COL5A2: variants seen among roughly 807,000 people sequenced by gnomAD.
COL5A2 encodes the protein collagen type V alpha 2 chain, also known as collagen alpha-2(V) chain.
A neutral mutation model predicts 208.2 loss-of-function variants in COL5A2; 23 were observed. The ratio of observed to expected loss-of-function variants is 0.11; its 90% CI spans 0.08 to 0.16. COL5A2 has a LOEUF of 0.16. Among genes scored for constraint, COL5A2 ranks in the 10% least tolerant of loss-of-function variants. The pLI, the probability that COL5A2 is intolerant of heterozygous loss-of-function variation, is 1.00. For missense variants in COL5A2, 1,590 were observed against 1,956.4 expected, an observed-to-expected ratio of 0.81 and a Z score of 3.53; for synonymous variants, 625 against 628.5, an observed-to-expected ratio of 0.99 and a Z score of 0.08.
intron 1 of COL5A2, among the ~76,000 whole-genome samples, chr2:189,141,995 C>A (rs1687943101): frequency 6.6e-6 from 1 of 151,902 alleles, no homozygotes; most frequent in Non-Finnish European, 1.5e-5. Context: ...ATTTCCTATG[C>A]CTATGGTGAG....
chr2:189,224,266 A>G (rs1347895089), intron 1 of COL5A2, among the ~76,000 whole-genome samples: 3 of 152,192 alleles, frequency 2.0e-5, no homozygotes, highest in African/African-American at 7.2e-5. Context: ...CTAATCATGT[A>G]AAAAATAAAG....
chr2:189,034,860 T>A (rs1685410944), intron 53 of COL5A2, 56 bp downstream of exon 53: 1 of 1,610,156 alleles, frequency 6.2e-7, no homozygotes, highest in Non-Finnish European at 8.5e-7. Flanking sequence ...ATAGTATTTT[T>A]AACAAAAATA....
At chr2:189,091,630 T>C (rs918406369) in intron 7 of COL5A2, among the ~76,000 whole-genome samples, 1 of 152,196 alleles carries the variant, frequency 6.6e-6, no homozygotes, top group Non-Finnish European at 1.5e-5. Context: ...ACAGACTATA[T>C]TGTGGAAAAA....
At chr2:189,382,849 G>C in the COL5A2 span, among the ~76,000 whole-genome samples, 2 of 152,148 alleles carry the variant, frequency 1.3e-5, no homozygotes, top group Admixed American at 6.5e-5. Flanking sequence ...TCACAAGGGT[G>C]GGGAGAGTGT....
In COL5A2 at chr2:189,214,094, T is replaced by A. The variant is rs868570635; in HGVS notation, c.-42+11054A>T. Among the ~76,000 whole-genome samples the A allele has an allele frequency of 2.0e-5, 3 of 152,298 alleles. No homozygotes were observed. The South Asian group carries it at 6.2e-4, about 32-fold the overall frequency. On this transcript the variant is annotated intron_variant, in intron 1 of 10. Coordinates refer to the COL5A2 transcript ENST00000649966. ...ACACTTCTATAGTTATTTGTGTACA[T>A]AGATTTTTAAAAATATGTAAAATGG...
intron 1 of COL5A2, among the ~76,000 whole-genome samples, chr2:189,175,972 T>C (rs1688671733): frequency 6.6e-6 from 1 of 152,224 alleles, no homozygotes; most frequent in African/African-American, 2.4e-5. Context: ...TTAAAACAAT[T>C]TATGAGTTAA....
chr2:189,440,907 G>C, the COL5A2 span, among the ~76,000 whole-genome samples: 2 of 152,186 alleles, frequency 1.3e-5, no homozygotes, highest in African/African-American at 4.8e-5. Context: ...ATTTCCAAAG[G>C]AAGAAAGCTA....
At chr2:189,353,420 G>A in the COL5A2 span, among the ~76,000 whole-genome samples, 1 of 152,172 alleles carries the variant, frequency 6.6e-6, no homozygotes. Flanking sequence ...TCCTATCCAT[G>A]AGCATGGAAT....
intron 1 of COL5A2, among the ~76,000 whole-genome samples, chr2:189,166,168 T>C (rs1462983689): frequency 5.9e-5 from 9 of 152,092 alleles, no homozygotes; most frequent in African/African-American, 1.9e-4. Context: ...CACCTGTCCA[T>C]TGGTATCACT....
At chr2:189,222,358 C>T (rs981472610) in intron 1 of COL5A2, among the ~76,000 whole-genome samples, 1 of 152,106 alleles carries the variant, frequency 6.6e-6, no homozygotes, top group African/African-American at 2.4e-5. Context: ...ATTTCAAGCT[C>T]TTGTTGGTGT....
chr2:189,081,407 G>T (rs1163611180), intron 12 of COL5A2, among the ~76,000 whole-genome samples: 1 of 151,838 alleles, frequency 6.6e-6, no homozygotes, highest in Non-Finnish European at 1.5e-5. Flanking sequence ...CTATACCAAG[G>T]TAGAAAAAAA....
chr2:189,077,624 A>T (rs1686438675), intron 16 of COL5A2, among the ~76,000 whole-genome samples: 1 of 152,200 alleles, frequency 6.6e-6, no homozygotes, highest in Non-Finnish European at 1.5e-5. Context: ...ATAGCTGACT[A>T]TATTCTATAA....
At chr2:189,056,360 A>G (rs1457662684) in intron 35 of COL5A2, among the ~76,000 whole-genome samples, 2 of 152,254 alleles carry the variant, frequency 1.3e-5, no homozygotes. Context: ...GTCTGAAAAT[A>G]TATTGTCCTT....
rs1473298379 is a variant in COL5A2 at position 189,078,650 on chromosome 2, T to C, written c.1006-81A>G. ...AGTCTGACTACCCCACTCAATCCAATTGAGATTCAAGATAATTGGCCACCA... is the reference window on the plus strand; with the variant it reads ...AGTCTGACTACCCCACTCAATCCAACTGAGATTCAAGATAATTGGCCACCA... On this transcript the variant is annotated intron_variant, in intron 15 of 53. Coordinates refer to ENST00000374866, the MANE Select transcript of COL5A2 (RefSeq NM_000393.5). The C allele has an allele frequency of 1.6e-5, 18 of 1,144,084 alleles. No homozygotes were observed. The Admixed American group carries it at 2.0e-4, about 13-fold the overall frequency. 70.9% of individuals were successfully genotyped at this position (1,144,084 alleles called of 1,614,324 possible).
chr2:189,349,649 TTGTTTA>T, the COL5A2 span, among the ~76,000 whole-genome samples: 4 of 152,174 alleles, frequency 2.6e-5, no homozygotes, highest in Non-Finnish European at 4.4e-5. Flanking sequence ...TTAGGTTATG[TTGTTTA>T]TGTTTATGTT....
At chr2:189,408,778 G>A in the COL5A2 span, among the ~76,000 whole-genome samples, 4 of 152,002 alleles carry the variant, frequency 2.6e-5, no homozygotes, top group East Asian at 1.9e-4. Flanking sequence ...ATATGAACAC[G>A]ATCAATTAAC....
At position 189,053,491 on chromosome 2, in the gene COL5A2, A is replaced by C; in HGVS notation, c.2500-14T>G. 3.1e-6 allele frequency: 5 copies of C among 1,611,514 alleles called. No homozygotes were observed. Among genetic ancestry groups the C allele is most frequent in the Non-Finnish European group, 4.2e-6 (5 of 1,177,764 alleles). On this transcript the variant is annotated splice_polypyrimidine_tract_variant and intron_variant, in intron 37 of 53. Coordinates refer to ENST00000374866, the MANE Select transcript of COL5A2 (RefSeq NM_000393.5). ...ACCTCGAGAACCCTAGGAGGAGACA[A>C]AGATTACTGTAGCTTTCACACATTA... is the stretch of plus-strand genomic sequence containing the variant.
At chr2:189,384,487 T>C in the COL5A2 span, among the ~76,000 whole-genome samples, 1 of 152,166 alleles carries the variant, frequency 6.6e-6, no homozygotes, top group Non-Finnish European at 1.5e-5. Flanking sequence ...AGTTTTGATG[T>C]GCACTTCTCT....
intron 19 of COL5A2, 52 bp from the exon 20 acceptor site, chr2:189,068,322 C>T (rs374120714): frequency 2.8e-6 from 4 of 1,434,406 alleles, no homozygotes; most frequent in South Asian, 1.1e-5. Flanking sequence ...TATATAGATA[C>T]AAATGTGCTA....
Sources: allele counts gnomAD v4.1 joint callset (sites outside exome capture counted in the v4.1 genomes callset), GRCh38; gene constraint gnomAD v4.1.1; transcripts MANE v1.5; gene names NCBI Gene and HGNC (gene_info 2026-07-23, HGNC 2026-07-21).